The following EPHA4 variants were observed in gnomAD, a reference collection of about 807,000 sequenced individuals.
EPHA4 encodes EPH receptor A4, also known as ephrin type-A receptor 4.
In EPHA4, 19 loss-of-function variants were observed where a neutral mutation model predicts 108.3. The ratio of observed to expected loss-of-function variants is 0.18; its 90% CI spans 0.12 to 0.26. The LOEUF (loss-of-function observed/expected upper bound fraction) is 0.26, where lower values mean the gene tolerates loss of function less well. Ranked by LOEUF, EPHA4 falls within the 10% of genes least tolerant of loss-of-function variation. EPHA4 has a pLI of 1.00. For synonymous variants in EPHA4, 449 were observed against 455.5 expected (o/e 0.99, Z 0.18); for missense variants, 917 against 1,254.0 (o/e 0.73, Z 4.06).
At chr2:221,445,004 C>CTA (rs1690549254) in intron 9 of EPHA4, among the ~76,000 whole-genome samples, 1 of 152,036 alleles carries the variant, frequency 6.6e-6, no homozygotes, top group African/African-American at 2.4e-5. Flanking sequence ...GTGATCTGCC[C>CTA]TCCTTGGCCT....
Position 221,429,943 on chromosome 2 carries a change from G to A in EPHA4, c.2690+15C>T. ...GTGTTCTTTCATACATCACTATTAA[G>A]TAAGCATGGCTGACCTGGAGCTCTC... is the stretch of plus-strand genomic sequence containing the variant. On this transcript the variant is annotated intron_variant, in intron 15 of 17. Coordinates refer to ENST00000281821, the MANE Select transcript of EPHA4 (RefSeq NM_004438.5). 3.1e-6 allele frequency: 5 copies of A among 1,613,254 alleles called. No homozygotes were observed. The highest frequency in any genetic ancestry group is 4.2e-6 in the Non-Finnish European group (5 of 1,179,664).
intron 12 of EPHA4, 117 bp downstream of exon 12, chr2:221,436,940 CTTCT>C (rs1486622913): frequency 1.3e-6 from 1 of 762,138 alleles, no homozygotes; most frequent in African/African-American, 1.7e-5. Flanking sequence ...CATTTCTCCT[CTTCT>C]TTCTTTGCCC....
intron 5 of EPHA4, among the ~76,000 whole-genome samples, chr2:221,464,878 G>T (rs2106124575): frequency 6.6e-6 from 1 of 152,114 alleles, no homozygotes; most frequent in East Asian, 1.9e-4. Context: ...AAAACAACTT[G>T]ATTATTCTGA....
At chr2:221,491,910 G>C (rs112694048) in intron 4 of EPHA4, among the ~76,000 whole-genome samples, 1 of 151,998 alleles carries the variant, frequency 6.6e-6, no homozygotes, top group South Asian at 2.1e-4. Flanking sequence ...TAGCACCCTG[G>C]GAGGCTGAGG....
chr2:221,456,783 G>A lies in EPHA4; in HGVS notation c.1444-11C>T, dbSNP rs773149737. 5.6e-6 allele frequency: 9 copies of A among 1,611,478 alleles called. No individual in the cohort carries two copies. The highest frequency in any genetic ancestry group is 2.7e-5 in the African/African-American group (2 of 74,858). On this transcript the variant is annotated splice_polypyrimidine_tract_variant and intron_variant, in intron 6 of 17. Coordinates refer to ENST00000281821, the MANE Select transcript of EPHA4 (RefSeq NM_004438.5). ...TCGCTCATTCTGATCCTACATCATG[G>A]CAAGATAAAATTGGGGAAGGTGGCA...
At position 221,566,885 on chromosome 2, in the gene EPHA4, AGAAGGAGAAGG is replaced by A. The variant is rs1559297148; in HGVS notation, c.159+1822_159+1832del. On this transcript the variant is annotated intron_variant, in intron 2 of 17. Transcript: ENST00000281821. ...AAGAAGAAGAAGAAGAAGGAGAAGG[AGAAGGAGAAGG>A]AGAAGGAGAAGGAGAAGGAGAAGGA... Among the ~76,000 whole-genome samples, 169 of 28,606 alleles carry A rather than the reference AGAAGGAGAAGG, an allele frequency of 5.9e-3. 44 individuals carry two copies. The highest frequency in any genetic ancestry group is 0.035 in the African/African-American group (146 of 4,190). The allele number at this position is 28,606 out of a possible 152,430, so 18.8% of individuals were successfully genotyped here.
At chr2:221,527,050 C>T (rs191126945) in intron 3 of EPHA4, among the ~76,000 whole-genome samples, 1 of 151,062 alleles carries the variant, frequency 6.6e-6, no homozygotes, top group Non-Finnish European at 1.5e-5. Flanking sequence ...TGGCGTGAAC[C>T]CGGGCGGAGC....
rs549064495 is a variant in EPHA4, at chr2:221,561,015, G to A, written c.823+2716C>T. Among the ~76,000 whole-genome samples the A allele has an allele frequency of 4.6e-5, 7 of 152,300 alleles. No individual in the cohort carries two copies. The South Asian group carries it at 1.5e-3, about 32-fold the overall frequency. Reference sequence around the variant, plus strand: ...CCCAGCACTTTGGGAGGCCAAGGCGGGTGGATCACGAGGTCAGGAGATGGA... The same window carrying A: ...CCCAGCACTTTGGGAGGCCAAGGCGAGTGGATCACGAGGTCAGGAGATGGA... On this transcript the variant is annotated intron_variant, in intron 3 of 17. Coordinates refer to ENST00000281821, the MANE Select transcript of EPHA4 (RefSeq NM_004438.5).
intron 3 of EPHA4, among the ~76,000 whole-genome samples, chr2:221,503,181 T>C (rs1692529202): frequency 6.6e-6 from 1 of 152,220 alleles, no homozygotes; most frequent in South Asian, 2.1e-4. Flanking sequence ...AACTCAGGAC[T>C]GCAAAGAAGG....
chr2:221,462,227 T>C (rs1157665446), intron 5 of EPHA4, among the ~76,000 whole-genome samples: 1 of 152,130 alleles, frequency 6.6e-6, no homozygotes, highest in East Asian at 1.9e-4. Flanking sequence ...GTAAAAATCA[T>C]AAGGCAAGCA....
intron 11 of EPHA4, among the ~76,000 whole-genome samples, chr2:221,437,922 G>A (rs62180560): frequency 9.9e-4 from 151 of 151,780 alleles, no homozygotes; most frequent in African/African-American, 3.3e-3. Context: ...CAGAGACTCC[G>A]TCTCAAAAAA....
intron 15 of EPHA4, among the ~76,000 whole-genome samples, chr2:221,428,004 A>G (rs1689963040): frequency 6.6e-6 from 1 of 152,212 alleles, no homozygotes; most frequent in African/African-American, 2.4e-5. Context: ...CAATTCTGTA[A>G]ATGTTTACAG....
intron 7 of EPHA4, 35 bp downstream of exon 7, chr2:221,456,578 C>T: frequency 6.2e-7 from 1 of 1,608,858 alleles, no homozygotes. Flanking sequence ...TAAAAATAGC[C>T]TCAGAAGTGA....
chr2:221,552,689 C>A (rs1694198645), intron 3 of EPHA4, among the ~76,000 whole-genome samples: 1 of 152,272 alleles, frequency 6.6e-6, no homozygotes, highest in East Asian at 1.9e-4. Context: ...ACAAATGAAT[C>A]CAAGCCTCAA....
At chr2:221,536,397 T>C (rs1294658001) in intron 3 of EPHA4, among the ~76,000 whole-genome samples, 3 of 152,226 alleles carry the variant, frequency 2.0e-5, no homozygotes, top group Non-Finnish European at 4.4e-5. Flanking sequence ...AATGCGAACC[T>C]GCTCACTGAA....
At chr2:221,432,721 G>A (rs1690115434) in intron 14 of EPHA4, among the ~76,000 whole-genome samples, 1 of 150,244 alleles carries the variant, frequency 6.7e-6, no homozygotes. Context: ...TTGGCTCACT[G>A]CAACCTCCGC....
At chr2:221,547,290 A>G (rs1290852745) in intron 3 of EPHA4, among the ~76,000 whole-genome samples, 1 of 152,228 alleles carries the variant, frequency 6.6e-6, no homozygotes, top group African/African-American at 2.4e-5. Context: ...TTCTCATTTT[A>G]AGATTGATTT....
intron 16 of EPHA4, 77 bp from the exon 17 acceptor site, chr2:221,426,219 C>T: frequency 7.5e-7 from 1 of 1,337,516 alleles, no homozygotes; most frequent in Non-Finnish European, 1.1e-6. Flanking sequence ...TTCATGCAGA[C>T]ACACGTTTGA....
intron 13 of EPHA4, 88 bp downstream of exon 13, chr2:221,436,311 A>C: frequency 5.4e-6 from 7 of 1,295,226 alleles, no homozygotes; most frequent in Non-Finnish European, 7.4e-6. Flanking sequence ...TAAAAAATAA[A>C]AAAATTACAA....
Sources: allele counts gnomAD v4.1 joint callset (sites outside exome capture counted in the v4.1 genomes callset), GRCh38; gene constraint gnomAD v4.1.1; transcripts MANE v1.5; gene names NCBI Gene and HGNC (gene_info 2026-07-23, HGNC 2026-07-21).